The following SGSM1 variants were observed in gnomAD, a reference collection of about 807,000 sequenced individuals.
SGSM1 encodes RUN and TBC1 domain containing 2.
In SGSM1, 73 loss-of-function variants were observed where a neutral mutation model predicts 133.8. The ratio of observed to expected loss-of-function variants is 0.55; its 90% confidence interval spans 0.45 to 0.66. The LOEUF (loss-of-function observed/expected upper bound fraction) is 0.66. Ranked by LOEUF, SGSM1 falls within the 30% of genes least tolerant of loss-of-function variation. The probability of loss-of-function intolerance (pLI) is 0.00; values close to 1 mark genes in which losing one functional copy is unlikely to be tolerated. For synonymous variants in SGSM1, 563 were observed against 573.0 expected (o/e 0.98, Z 0.25); for missense variants, 1,213 against 1,448.1 (o/e 0.84, Z 2.64).
intron 12 of SGSM1, among the ~76,000 whole-genome samples, chr22:24,873,202 A>G (rs899588429): frequency 1.3e-5 from 2 of 151,988 alleles, no homozygotes; most frequent in Admixed American, 6.6e-5. Context: ...GGCTCAAGCA[A>G]TTCATCCGCC....
intron 5 of SGSM1, among the ~76,000 whole-genome samples, chr22:24,851,409 C>G (rs1449455243): frequency 3.7e-5 from 5 of 136,686 alleles, no homozygotes; most frequent in Non-Finnish European, 7.7e-5. Context: ...CATGCCTCTC[C>G]AGCCCCCAAG....
At chr22:24,888,578 A>T (rs553219300) in intron 16 of SGSM1, among the ~76,000 whole-genome samples, 109 of 152,088 alleles carry the variant, frequency 7.2e-4, no homozygotes, top group African/African-American at 2.6e-3. Context: ...GACCAGCCTG[A>T]CCAACATAGC....
intron 12 of SGSM1, among the ~76,000 whole-genome samples, chr22:24,875,154 C>T (rs140419213): frequency 0.012 from 1,755 of 152,106 alleles, 17 homozygotes; most frequent in African/African-American, 0.04. Context: ...GGGACCATGA[C>T]ATATGGGAAA....
intron 2 of SGSM1, among the ~76,000 whole-genome samples, chr22:24,817,885 T>C (rs1391230877): frequency 6.6e-6 from 1 of 152,166 alleles, no homozygotes; most frequent in Non-Finnish European, 1.5e-5. Context: ...CTTTTAATCA[T>C]GTCCTCACAT....
At chr22:24,834,078 C>CCG (rs1169470902) in intron 2 of SGSM1, among the ~76,000 whole-genome samples, 1 of 152,232 alleles carries the variant, frequency 6.6e-6, no homozygotes, top group East Asian at 1.9e-4. Context: ...AGGCAGGTGG[C>CCG]CGCGCTCCTG....
intron 19 of SGSM1, among the ~76,000 whole-genome samples, chr22:24,900,890 A>G (rs2123710578): frequency 6.6e-6 from 1 of 152,202 alleles, no homozygotes; most frequent in Non-Finnish European, 1.5e-5. Flanking sequence ...CTGCTGTACT[A>G]TTTAAGACCC....
rs111288202 is a variant in SGSM1 at position 24,920,651 on chromosome 22, G to A, written c.3193+658G>A. On this transcript the variant is annotated intron_variant, in intron 24 of 24. Transcript: ENST00000400358. ...GCCACTGTTATCACTATTTAAAAATGTTTTTAATGAAAGAAAGTTCTGGAA... is the reference window on the plus strand; with the variant it reads ...GCCACTGTTATCACTATTTAAAAATATTTTTAATGAAAGAAAGTTCTGGAA... 2.6e-3 allele frequency among the ~76,000 whole-genome samples: 391 copies of A among 151,494 alleles called. 2 individuals are homozygous for A. Among genetic ancestry groups the A allele is most frequent in the African/African-American group, 8.8e-3 (363 of 41,470 alleles).
rs1274499227 is a variant in SGSM1 at position 24,919,733 on chromosome 22, G to A, written c.3026-93G>A. 8.0e-6 allele frequency: 12 copies of A among 1,492,534 alleles called. No individual in the cohort carries two copies. In the East Asian group the frequency reaches 1.1e-4, roughly 14 times the overall value. The allele number at this position is 1,492,534 out of a possible 1,614,324, so 92.5% of individuals were successfully genotyped here. A position where few individuals can be genotyped will look rare whatever the true frequency, so the allele number is the denominator to read the frequency against. ...CACAGGCATAAGGCAAAACTTGCCC[G>A]GGATTTTCCCACCTTGGGGGGCTTC... is the stretch of plus-strand genomic sequence containing the variant. On this transcript the variant is annotated intron_variant, in intron 23 of 24. Coordinates refer to ENST00000400358, the MANE Select transcript of SGSM1 (RefSeq NM_001098497.3).
chr22:24,815,991 C>A lies in SGSM1; in HGVS notation c.63+9507C>A, dbSNP rs543685006. 1.4e-4 allele frequency among the ~76,000 whole-genome samples: 21 copies of A among 152,188 alleles called. No individual in the cohort carries two copies. In the South Asian group the frequency reaches 4.4e-3, roughly 32 times the overall value. ...GTTTCTATGTATATTCAAAAGAAAC[C>A]ATAAACATTAGTTCTATGGGATAGT... On this transcript the variant is annotated intron_variant, in intron 2 of 24. Transcript: ENST00000400358.
intron 22 of SGSM1, among the ~76,000 whole-genome samples, chr22:24,915,816 A>AT (rs1426005462): frequency 2.6e-5 from 4 of 151,902 alleles, no homozygotes; most frequent in African/African-American, 7.3e-5. Context: ...TTTCATTGTG[A>AT]TTTTGTTTGC....
chr22:24,831,741 A>G (rs778851438), intron 2 of SGSM1, among the ~76,000 whole-genome samples: 5 of 152,228 alleles, frequency 3.3e-5, no homozygotes, highest in Non-Finnish European at 4.4e-5. Context: ...ACACCTGCCT[A>G]TGGCTTTGCC....
In SGSM1 at chr22:24,850,332, C is replaced by T; in HGVS notation, c.355C>T (p.Pro119Ser). The T allele has an allele frequency of 1.9e-6, 3 of 1,613,642 alleles. No homozygotes were observed. Among genetic ancestry groups the T allele is most frequent in the South Asian group, 1.1e-5 (1 of 90,958 alleles). ...QENVRKLPKL[P>S]NLSPLAIKHL... ...GAATGTGCGGAAGCTGCCGAAGCTG[C>T]CCAACTTGTCCCCACTTGCCATCAA... The change falls in exon 5 of 25, where the codon CCC becomes TCC. Residue 119 changes from proline to serine, a missense_variant. By Grantham distance (74) the Pro-to-Ser change is moderately conservative. Coordinates refer to ENST00000400358, the MANE Select transcript of SGSM1 (RefSeq NM_001098497.3).
chr22:24,914,392 C>T (rs967391268), intron 22 of SGSM1, among the ~76,000 whole-genome samples: 1 of 151,644 alleles, frequency 6.6e-6, no homozygotes, highest in East Asian at 1.9e-4. Context: ...AGGAGAATTG[C>T]TTGAACCCGG....
At chr22:24,913,135 C>CA (rs994434708) in intron 22 of SGSM1, among the ~76,000 whole-genome samples, 9 of 150,898 alleles carry the variant, frequency 6.0e-5, no homozygotes, top group East Asian at 5.8e-4. Flanking sequence ...ACTAAAAATA[C>CA]AAAAAAAATT....
At chr22:24,901,997 G>A in intron 20 of SGSM1, 40 bp downstream of exon 20, 1 of 1,436,380 alleles carries the variant, frequency 7.0e-7, no homozygotes, top group Admixed American at 2.2e-5. Context: ...GATGGGGATG[G>A]TGGGTGGGTG....
At chr22:24,839,932 CTTTTTTTTTT>C (rs758631851) in intron 2 of SGSM1, among the ~76,000 whole-genome samples, 1 of 106,482 alleles carries the variant, frequency 9.4e-6, no homozygotes, top group Admixed American at 1.2e-4. Flanking sequence ...AACCATCTCT[CTTTTTTTTTT>C]TTTTTTTTTT....
At chr22:24,888,809 T>G (rs933150471) in intron 16 of SGSM1, among the ~76,000 whole-genome samples, 1 of 151,988 alleles carries the variant, frequency 6.6e-6, no homozygotes, top group Non-Finnish European at 1.5e-5. Context: ...AAAAGACAGT[T>G]GGGAACATAC....
Position 24,896,273 on chromosome 22 carries a change from TA to T in SGSM1, c.2022+992del, listed in dbSNP as rs201538346. Reference sequence around the variant, plus strand: ...TTGCTTCCTAATTTTGATTTTGGAGTAAAAAAAAAACTCTGGTTTTGACTCT... The same window carrying T: ...TTGCTTCCTAATTTTGATTTTGGAGTAAAAAAAAACTCTGGTTTTGACTCT... On this transcript the variant is annotated intron_variant, in intron 18 of 24. Coordinates refer to ENST00000400358, the MANE Select transcript of SGSM1 (RefSeq NM_001098497.3). 5.4e-5 allele frequency among the ~76,000 whole-genome samples: 8 copies of T among 147,234 alleles called. No individual in the cohort carries two copies. In the South Asian group the frequency reaches 6.5e-4, roughly 12 times the overall value.
chr22:24,922,989 G>A (rs368512381), intron 24 of SGSM1, among the ~76,000 whole-genome samples: 9 of 152,262 alleles, frequency 5.9e-5, no homozygotes, highest in African/African-American at 2.2e-4. Flanking sequence ...TTAGCCCAGC[G>A]TGATGGTGCA....
Sources: allele counts gnomAD v4.1 joint callset (sites outside exome capture counted in the v4.1 genomes callset), GRCh38; gene constraint gnomAD v4.1.1; transcripts MANE v1.5; gene names NCBI Gene and HGNC (gene_info 2026-07-23, HGNC 2026-07-21).